Variants in ASIC2 observed in about 807,000 individuals in gnomAD.
ASIC2 encodes the protein acid sensing ion channel subunit 2, also known as acid-sensing ion channel 2.
ASIC2 carries 25 observed loss-of-function variants against 57.3 expected under a neutral mutation model. That is an observed-to-expected ratio of 0.44 (90% CI 0.32 to 0.61). ASIC2 has a LOEUF of 0.61. ASIC2 is among the 20% of genes least tolerant of loss of function. The pLI is 0.06. For missense variants in ASIC2, 641 were observed against 738.1 expected (o/e 0.87, Z 1.52); for synonymous variants, 319 against 307.5 (o/e 1.04, Z -0.39).
At chr17:33,767,293 AGTTCAT>A (rs1293728942) in intron 1 of ASIC2, among the ~76,000 whole-genome samples, 2 of 152,170 alleles carry the variant, frequency 1.3e-5, no homozygotes, top group African/African-American at 4.8e-5. Flanking sequence ...TGCGCTGCAG[AGTTCAT>A]GTTTTAAATC....
At chr17:33,466,973 C>A (rs534745484) in intron 1 of ASIC2, among the ~76,000 whole-genome samples, 19 of 152,304 alleles carry the variant, frequency 1.2e-4, no homozygotes, top group Non-Finnish European at 2.5e-4. Context: ...GCAATGGCAA[C>A]AAAATCCAAA....
intron 1 of ASIC2, among the ~76,000 whole-genome samples, chr17:33,988,219 G>A (rs935474484): frequency 2.6e-5 from 4 of 152,170 alleles, no homozygotes; most frequent in Non-Finnish European, 2.9e-5. Flanking sequence ...AAAATACAAG[G>A]CACTTTCCAG....
chr17:33,340,832 G>C (rs1907691921), intron 1 of ASIC2, among the ~76,000 whole-genome samples: 2 of 152,082 alleles, frequency 1.3e-5, no homozygotes, highest in African/African-American at 2.4e-5. Flanking sequence ...GATATGCCAG[G>C]GCTAGTATGA....
chr17:33,885,294 A>T (rs570163760), intron 1 of ASIC2, among the ~76,000 whole-genome samples: 58 of 152,336 alleles, frequency 3.8e-4, no homozygotes, highest in African/African-American at 1.3e-3. Flanking sequence ...AAATAAGGAC[A>T]AAAATAGTAC....
chr17:33,469,944 C>T lies in ASIC2; in HGVS notation c.556-357877G>A, dbSNP rs1162507098. ...TATAGGAAAACAAGATGAGTAACAGCTTGGACTTTGGGGGTCAGCGGGGGC... is the reference window on the plus strand; with the variant it reads ...TATAGGAAAACAAGATGAGTAACAGTTTGGACTTTGGGGGTCAGCGGGGGC... On this transcript the variant is annotated intron_variant, in intron 1 of 9. Coordinates refer to the ASIC2 transcript ENST00000359872. Among the ~76,000 whole-genome samples the T allele has an allele frequency of 5.9e-5, 9 of 152,070 alleles. No individual in the cohort carries two copies. The East Asian group carries it at 1.7e-3, about 29-fold the overall frequency.
intron 1 of ASIC2, among the ~76,000 whole-genome samples, chr17:34,138,092 C>G (rs552650901): frequency 1.8e-4 from 27 of 152,302 alleles, no homozygotes; most frequent in African/African-American, 6.3e-4. Context: ...CTCCTCCGAG[C>G]AGAAGCTCTT....
At chr17:33,615,905 T>C (rs1185090463) in intron 1 of ASIC2, among the ~76,000 whole-genome samples, 2 of 151,894 alleles carry the variant, frequency 1.3e-5, no homozygotes, top group Non-Finnish European at 2.9e-5. Flanking sequence ...AGGCGGGGAG[T>C]CTCAGACTGG....
intron 1 of ASIC2, among the ~76,000 whole-genome samples, chr17:33,622,497 A>C (rs935346933): frequency 2.0e-5 from 3 of 152,208 alleles, no homozygotes; most frequent in African/African-American, 7.2e-5. Flanking sequence ...TATTAAGTCT[A>C]GTTTCATGGA....
intron 1 of ASIC2, among the ~76,000 whole-genome samples, chr17:33,151,249 C>T (rs898429429): frequency 6.6e-6 from 1 of 151,110 alleles, no homozygotes; most frequent in Admixed American, 6.6e-5. Context: ...TGGCCTACAC[C>T]TCTAGTCTCA....
At position 33,120,481 on chromosome 17, in the gene ASIC2, C is replaced by A. The variant is rs112597432; in HGVS notation, c.709-8414G>T. Among the ~76,000 whole-genome samples the A allele has an allele frequency of 8.3e-3, 1,257 of 152,304 alleles. 15 individuals are homozygous for A. The highest frequency in any genetic ancestry group is 0.028 in the African/African-American group (1,156 of 41,550). On this transcript the variant is annotated intron_variant, in intron 1 of 9. Coordinates refer to ENST00000225823, the MANE Select transcript of ASIC2 (RefSeq NM_183377.2). The stretch of plus-strand genomic sequence containing the variant: ...TGTGTGGACAAATGTGTTCTCCTGG[C>A]AGATGACACAGAGGCAGAGGGGAAG...
chr17:34,110,796 T>TA (rs1243489905), intron 1 of ASIC2, among the ~76,000 whole-genome samples: 3 of 152,334 alleles, frequency 2.0e-5, no homozygotes, highest in South Asian at 2.1e-4. Flanking sequence ...GGCTTACCTA[T>TA]AAGCCTTGCT....
intron 1 of ASIC2, among the ~76,000 whole-genome samples, chr17:33,279,111 G>T (rs1183132516): frequency 6.6e-6 from 1 of 152,158 alleles, no homozygotes; most frequent in Non-Finnish European, 1.5e-5. Flanking sequence ...TTTTTCTTTT[G>T]TCTTATGCGT....
At chr17:33,960,394 A>G (rs1375319205) in intron 1 of ASIC2, among the ~76,000 whole-genome samples, 1 of 152,220 alleles carries the variant, frequency 6.6e-6, no homozygotes, top group African/African-American at 2.4e-5. Flanking sequence ...TTTCATTGCC[A>G]GAGATGGAAA....
chr17:33,728,220 T>G (rs9901811), intron 1 of ASIC2, among the ~76,000 whole-genome samples: 1 of 151,870 alleles, frequency 6.6e-6, no homozygotes, highest in African/African-American at 2.4e-5. Context: ...CCCAAGTCCC[T>G]GTAAGTTCAT....
intron 1 of ASIC2, among the ~76,000 whole-genome samples, chr17:33,752,741 A>G (rs896687044): frequency 6.6e-6 from 1 of 152,240 alleles, no homozygotes; most frequent in South Asian, 2.1e-4. Context: ...ACTTACAACA[A>G]GAGTGAGATG....
At chr17:33,171,094 T>C (rs570386788) in intron 1 of ASIC2, among the ~76,000 whole-genome samples, 1 of 152,320 alleles carries the variant, frequency 6.6e-6, no homozygotes, top group African/African-American at 2.4e-5. Flanking sequence ...AATGGACTGG[T>C]GATTTGATGC....
intron 2 of ASIC2, among the ~76,000 whole-genome samples, chr17:33,093,382 T>C (rs1012447938): frequency 7.6e-5 from 11 of 145,344 alleles, no homozygotes; most frequent in African/African-American, 2.8e-4. Flanking sequence ...CTCTGGACAG[T>C]GAATGATTTG....
chr17:33,451,978 A>G (rs983751590), intron 1 of ASIC2, among the ~76,000 whole-genome samples: 3 of 152,230 alleles, frequency 2.0e-5, no homozygotes, highest in Non-Finnish European at 4.4e-5. Flanking sequence ...AGTTAGTTAC[A>G]TGATATGCAC....
At chr17:33,736,718 C>T (rs753788326) in intron 1 of ASIC2, among the ~76,000 whole-genome samples, 3 of 152,112 alleles carry the variant, frequency 2.0e-5, no homozygotes, top group Admixed American at 6.5e-5. Flanking sequence ...CCCTCCTCTC[C>T]GAGATCATTA....
Sources: gnomAD v4.1 joint callset for allele counts (sites outside exome capture counted in the v4.1 genomes callset) on GRCh38, gnomAD v4.1.1 for gene constraint, MANE v1.5 for transcripts, NCBI Gene and HGNC (gene_info 2026-07-23, HGNC 2026-07-21) for gene names.